Variants in PCSK2 observed in about 807,000 individuals in gnomAD.
The protein encoded by PCSK2 is proprotein convertase subtilisin/kexin type 2.
PCSK2 carries 14 observed loss-of-function variants against 69.7 expected under a neutral mutation model. That is an observed-to-expected ratio of 0.20 (90% confidence interval 0.13 to 0.31). PCSK2 has a LOEUF of 0.31. PCSK2 is among the 10% of genes least tolerant of loss of function. The probability of loss-of-function intolerance (pLI) is 1.00; values close to 1 mark genes in which losing one functional copy is unlikely to be tolerated. For synonymous variants in PCSK2, 307 were observed against 320.7 expected, an observed-to-expected ratio of 0.96 and a Z score of 0.46; for missense variants, 544 against 842.5, an observed-to-expected ratio of 0.65 and a Z score of 4.39.
At chr20:17,470,004 C>T (rs556916616) in intron 11 of PCSK2, among the ~76,000 whole-genome samples, 1 of 152,262 alleles carries the variant, frequency 6.6e-6, no homozygotes, top group East Asian at 1.9e-4. Flanking sequence ...GTCTACAATG[C>T]CAAGGTCTGC....
chr20:17,461,397 G>A (rs1221228288), intron 10 of PCSK2, among the ~76,000 whole-genome samples: 1 of 152,090 alleles, frequency 6.6e-6, no homozygotes, highest in Middle Eastern at 3.2e-3. Flanking sequence ...GAAAATGAAT[G>A]GATCTTTTAC....
intron 8 of PCSK2, among the ~76,000 whole-genome samples, chr20:17,439,124 A>T (rs1015647222): frequency 6.6e-6 from 1 of 151,780 alleles, no homozygotes; most frequent in African/African-American, 2.4e-5. Context: ...TTTTTAGACT[A>T]GGTTTTCTTC....
At chr20:17,375,193 G>T (rs1283081037) in intron 5 of PCSK2, among the ~76,000 whole-genome samples, 2 of 152,066 alleles carry the variant, frequency 1.3e-5, no homozygotes, top group African/African-American at 4.8e-5. Context: ...CACAATTTCG[G>T]GTTGTCCTGA....
chr20:17,237,782 A>T (rs1360959429), intron 1 of PCSK2, among the ~76,000 whole-genome samples: 1 of 152,226 alleles, frequency 6.6e-6, no homozygotes, highest in African/African-American at 2.4e-5. Context: ...GCAGGAATAA[A>T]GGGTACATCA....
chr20:17,347,896 GAAA>G lies in PCSK2; in HGVS notation c.283-10430_283-10428del, dbSNP rs2123187127. ...AAAAAGAAAGAAAGAAAGAAAGAAAGAAAGAAAGAAAGAAAGAAAGAAAGGAGA... is the reference window on the plus strand; with the variant it reads ...AAAAAGAAAGAAAGAAAGAAAGAAAGGAAAGAAAGAAAGAAAGAAAGGAGA... On this transcript the variant is annotated intron_variant, in intron 2 of 11. Transcript: ENST00000262545. Among the ~76,000 whole-genome samples, 7 of 14,410 alleles carry G rather than the reference GAAA, an allele frequency of 4.9e-4. 1 individual carries two copies. Among genetic ancestry groups the G allele is most frequent in the Middle Eastern group, 0.045 (1 of 22 alleles). 9.5% of individuals were successfully genotyped at this position (14,410 alleles called of 152,430 possible). A position where few individuals can be genotyped will look rare whatever the true frequency, so the allele number is the denominator to read the frequency against.
At chr20:17,267,900 G>A (rs1363052890) in intron 2 of PCSK2, among the ~76,000 whole-genome samples, 1 of 151,798 alleles carries the variant, frequency 6.6e-6, no homozygotes, top group East Asian at 1.9e-4. Flanking sequence ...CTAATGGTGG[G>A]CTAGCAAACC....
chr20:17,450,820 C>T (rs2032808144), intron 8 of PCSK2, among the ~76,000 whole-genome samples: 1 of 152,146 alleles, frequency 6.6e-6, no homozygotes, highest in Non-Finnish European at 1.5e-5. Context: ...ACTTAATTAC[C>T]TCCTAAAGGT....
chr20:17,251,409 A>G (rs954478916), intron 1 of PCSK2, among the ~76,000 whole-genome samples: 1 of 152,240 alleles, frequency 6.6e-6, no homozygotes, highest in Non-Finnish European at 1.5e-5. Context: ...ACTAAATCAC[A>G]AAAGCTACAA....
intron 7 of PCSK2, among the ~76,000 whole-genome samples, 154 bp downstream of exon 7, chr20:17,429,677 C>G (rs919491749): frequency 6.6e-6 from 1 of 152,098 alleles, no homozygotes; most frequent in African/African-American, 2.4e-5. Context: ...ACCTGCATAA[C>G]AATATCAATA....
intron 2 of PCSK2, among the ~76,000 whole-genome samples, chr20:17,357,420 A>G (rs2030239695): frequency 6.6e-6 from 1 of 152,180 alleles, no homozygotes; most frequent in Non-Finnish European, 1.5e-5. Context: ...TTTCTTTTTC[A>G]GCAGATTCTC....
intron 5 of PCSK2, among the ~76,000 whole-genome samples, chr20:17,379,813 G>C (rs1170120042): frequency 1.3e-5 from 2 of 152,180 alleles, no homozygotes; most frequent in African/African-American, 4.8e-5. Flanking sequence ...CTAATCAAAG[G>C]AAAGACTATC....
chr20:17,383,431 GA>G (rs35965079), intron 5 of PCSK2, among the ~76,000 whole-genome samples: 1 of 152,164 alleles, frequency 6.6e-6, no homozygotes, highest in Non-Finnish European at 1.5e-5. Flanking sequence ...CCAAAAAACA[GA>G]AAGCCTCTCT....
At chr20:17,263,909 C>A (rs537351110) in intron 2 of PCSK2, among the ~76,000 whole-genome samples, 1 of 152,110 alleles carries the variant, frequency 6.6e-6, no homozygotes, top group Non-Finnish European at 1.5e-5. Context: ...ACTAAAAATA[C>A]CTTCTCAACA....
At chr20:17,346,782 A>G (rs1047655698) in intron 2 of PCSK2, among the ~76,000 whole-genome samples, 1 of 152,056 alleles carries the variant, frequency 6.6e-6, no homozygotes, top group Non-Finnish European at 1.5e-5. Context: ...ATAATTTCCT[A>G]AATCCATCTC....
chr20:17,419,775 T>C (rs1352575426), intron 6 of PCSK2, among the ~76,000 whole-genome samples: 2 of 152,202 alleles, frequency 1.3e-5, no homozygotes. Context: ...CAGATCTGTA[T>C]TCCATTACTG....
intron 2 of PCSK2, among the ~76,000 whole-genome samples, chr20:17,295,807 C>T (rs1233421935): frequency 6.6e-6 from 1 of 152,096 alleles, no homozygotes; most frequent in African/African-American, 2.4e-5. Context: ...CCTCCTGCCC[C>T]AGTCTTTCAA....
At chr20:17,283,667 G>A (rs996615838) in intron 2 of PCSK2, among the ~76,000 whole-genome samples, 1 of 152,182 alleles carries the variant, frequency 6.6e-6, no homozygotes, top group South Asian at 2.1e-4. Flanking sequence ...GTTCAAGAGT[G>A]AGCATTTTTT....
chr20:17,327,936 TTA>T (rs1329414060), intron 2 of PCSK2, among the ~76,000 whole-genome samples: 2 of 152,208 alleles, frequency 1.3e-5, no homozygotes, highest in African/African-American at 4.8e-5. Context: ...AATCATGCTT[TTA>T]TACACGCACG....
At chr20:17,472,637 G>T (rs890785702) in intron 11 of PCSK2, among the ~76,000 whole-genome samples, 1 of 152,142 alleles carries the variant, frequency 6.6e-6, no homozygotes, top group Non-Finnish European at 1.5e-5. Context: ...CACGATCTTG[G>T]CTCACTACAA....
Sources: gnomAD v4.1 joint callset for allele counts (sites outside exome capture counted in the v4.1 genomes callset) on GRCh38, gnomAD v4.1.1 for gene constraint, MANE v1.5 for transcripts, NCBI Gene and HGNC (gene_info 2026-07-23, HGNC 2026-07-21) for gene names.